NBN: variants seen among roughly 807,000 people sequenced by gnomAD.
The protein encoded by NBN is nibrin, also known as Nijmegen breakage syndrome 1 (nibrin).
NBN carries 88 observed loss-of-function variants against 90.8 expected under a neutral mutation model. That is an observed-to-expected ratio of 0.97 (90% CI 0.82 to 1.16). The LOEUF (loss-of-function observed/expected upper bound fraction) is 1.16. NBN is among the 50% of genes most tolerant of loss of function. The pLI is 0.00. For missense variants in NBN, 894 were observed against 869.6 expected, an observed-to-expected ratio of 1.03 and a Z score of -0.35; for synonymous variants, 328 against 295.1, an observed-to-expected ratio of 1.11 and a Z score of -1.14.
At chr8:89,940,625 G>GA (rs34788524) in intron 14 of NBN, among the ~76,000 whole-genome samples, 45,227 of 135,622 alleles carry the variant, frequency 0.33, 7,146 homozygotes, top group East Asian at 0.47. Flanking sequence ...TCTACTAGAG[G>GA]AAAAAAAAAA....
Position 89,947,893 on chromosome 8 carries a change from C to T in NBN, c.1846-1G>A, listed in dbSNP as rs61753717. The T allele has an allele frequency of 6.5e-7, 1 of 1,536,956 alleles. No homozygotes were observed. The highest frequency in any genetic ancestry group is 8.9e-7 in the Non-Finnish European group (1 of 1,119,896). On this transcript the variant is annotated splice_acceptor_variant, in intron 11 of 15. Transcript: ENST00000265433. LOFTEE classifies it high-confidence loss of function. ...GTTTCTTCCCAATTTCATTTTCTTGCTAAAGAAATAAAATAAAAAATACTG... is the reference window on the plus strand; with the variant it reads ...GTTTCTTCCCAATTTCATTTTCTTGTTAAAGAAATAAAATAAAAAATACTG...
At chr8:89,955,887 T>C (rs1810691563) in intron 9 of NBN, among the ~76,000 whole-genome samples, 1 of 152,038 alleles carries the variant, frequency 6.6e-6, no homozygotes, top group Non-Finnish European at 1.5e-5. Context: ...CTGTTTTGTT[T>C]AAAAATTTTA....
intron 5 of NBN, among the ~76,000 whole-genome samples, chr8:89,972,090 G>C (rs1248934437): frequency 6.6e-6 from 1 of 152,022 alleles, no homozygotes; most frequent in African/African-American, 2.4e-5. Flanking sequence ...TTCACAACCT[G>C]GACAATCAGT....
rs889414118 is a variant in NBN, at chr8:89,948,387, G to C, written c.1846-495C>G. On this transcript the variant is annotated intron_variant, in intron 11 of 15. Transcript: ENST00000265433. ...AAAGAAACATTTTAAAAGAATTCAA[G>C]TTTACAATAGTATCTTAAATCATAC... 3.9e-5 allele frequency among the ~76,000 whole-genome samples: 6 copies of C among 152,276 alleles called. No homozygotes were observed. In the South Asian group the frequency reaches 8.3e-4, roughly 21 times the overall value.
intron 11 of NBN, among the ~76,000 whole-genome samples, chr8:89,952,673 T>G (rs1300280829): frequency 6.6e-6 from 1 of 152,182 alleles, no homozygotes; most frequent in African/African-American, 2.4e-5. Context: ...GATCAGAATA[T>G]TAAAGTTTTA....
At chr8:89,948,850 CA>C (rs1810317169) in intron 11 of NBN, among the ~76,000 whole-genome samples, 1 of 152,134 alleles carries the variant, frequency 6.6e-6, no homozygotes, top group South Asian at 2.1e-4. Context: ...AATCAGAATA[CA>C]AACTCCTTTT....
At chr8:89,971,835 CTTTAA>C (rs1289083968) in intron 5 of NBN, among the ~76,000 whole-genome samples, 1 of 152,076 alleles carries the variant, frequency 6.6e-6, no homozygotes, top group Non-Finnish European at 1.5e-5. Flanking sequence ...TGTTTTAGCT[CTTTAA>C]TTTAATGCTA....
chr8:89,978,790 T>G (rs1025997332), intron 4 of NBN, among the ~76,000 whole-genome samples: 4 of 152,164 alleles, frequency 2.6e-5, no homozygotes, highest in African/African-American at 9.7e-5. Flanking sequence ...CAATAAAGCC[T>G]TTTTGAGAAA....
intron 9 of NBN, among the ~76,000 whole-genome samples, chr8:89,958,393 G>A (rs973349699): frequency 6.6e-6 from 1 of 152,196 alleles, no homozygotes; most frequent in Non-Finnish European, 1.5e-5. Flanking sequence ...ATTGTGTAAG[G>A]AAGCATTTCT....
intron 12 of NBN, 104 bp from the exon 13 acceptor site, chr8:89,946,399 A>G: frequency 1.0e-6 from 1 of 978,076 alleles, no homozygotes; most frequent in South Asian, 1.4e-5. Flanking sequence ...ACCTGAAAAA[A>G]TAGTAAAAAT....
intron 3 of NBN, among the ~76,000 whole-genome samples, chr8:89,981,145 A>G (rs2129912528): frequency 6.6e-6 from 1 of 152,322 alleles, no homozygotes; most frequent in Admixed American, 6.5e-5. Context: ...ACCTTCACCA[A>G]TGAGGAATCG....
At chr8:89,954,256 A>C (rs1400762610) in intron 10 of NBN, among the ~76,000 whole-genome samples, 1 of 152,206 alleles carries the variant, frequency 6.6e-6, no homozygotes, top group Non-Finnish European at 1.5e-5. Context: ...AAGCCCATAG[A>C]GGACACAAAG....
At chr8:89,942,771 A>G (rs1438412552) in intron 14 of NBN, among the ~76,000 whole-genome samples, 2 of 152,204 alleles carry the variant, frequency 1.3e-5, no homozygotes, top group African/African-American at 4.8e-5. Flanking sequence ...GACAAATGGA[A>G]AAGAAAATTT....
Position 89,943,320 on chromosome 8 carries a change from G to C in NBN, c.2117C>G (p.Ser706Ter), listed in dbSNP as rs730881857. ...TCGAGCATGATGAGCTATTAGATCT[G>C]ATCCTCCAATGATGTGTGGAAGTTT... ...AGKLPHIIGG[S>*]DLIAHHARKN... Residue 706 changes from serine (S) to a stop codon, truncating the protein, a stop_gained, in exon 14 of 16, where the codon TCA (serine) becomes TGA (stop). Coordinates refer to ENST00000265433, the MANE Select transcript of NBN (RefSeq NM_002485.5). LOFTEE classifies it high-confidence loss of function. 4 of 1,611,854 alleles carry C rather than the reference G, an allele frequency of 2.5e-6. No individual in the cohort carries two copies. Among genetic ancestry groups the C allele is most frequent in the Non-Finnish European group, 3.4e-6 (4 of 1,178,208 alleles).
At chr8:89,983,390 CCACTGCA>C (rs1200862594) in intron 1 of NBN, among the ~76,000 whole-genome samples, 3 of 151,668 alleles carry the variant, frequency 2.0e-5, no homozygotes, top group Non-Finnish European at 4.4e-5. Flanking sequence ...CGACACAGTG[CCACTGCA>C]CTCCAGCCTC....
chr8:89,947,607 C>G (rs1810253428), intron 12 of NBN, among the ~76,000 whole-genome samples: 1 of 151,928 alleles, frequency 6.6e-6, no homozygotes, highest in Non-Finnish European at 1.5e-5. Context: ...CCAGCCTGGG[C>G]AACAAGAGCG....
Position 89,953,302 on chromosome 8 carries a change from T to A in NBN, c.1787A>T (p.Asp596Val), listed in dbSNP as rs1005715125. Residue 596 changes from aspartate (D) to valine (V), a missense_variant, in exon 11 of 16, where the codon GAT (aspartate) becomes GTT (valine). Transcript: ENST00000265433. ...ACTGAAAGTGTCATTTGTTTCTATATCCATCCTTGGCCTTTTTCTAACATT... is the reference window on the plus strand; with the variant it reads ...ACTGAAAGTGTCATTTGTTTCTATAACCATCCTTGGCCTTTTTCTAACATT... ...DVNVRKRPRM[D>V]IETNDTFSDE... 1 of 1,613,364 alleles carries A rather than the reference T, an allele frequency of 6.2e-7. No individual in the cohort carries two copies. Among genetic ancestry groups the A allele is most frequent in the Non-Finnish European group, 8.5e-7 (1 of 1,179,772 alleles).
intron 8 of NBN, among the ~76,000 whole-genome samples, chr8:89,961,817 G>A (rs999067534): frequency 2.6e-5 from 4 of 152,154 alleles, no homozygotes; most frequent in African/African-American, 9.7e-5. Flanking sequence ...TAGTGGCATA[G>A]TGAAATATTA....
In NBN at chr8:89,937,049, C is replaced by A. The variant is rs753596803; in HGVS notation, c.2211G>T (p.Glu737Asp). 5 of 1,612,226 alleles carry A rather than the reference C, an allele frequency of 3.1e-6. No individual in the cohort carries two copies. In the East Asian group the frequency reaches 8.9e-5, roughly 29 times the overall value. ...ACCTAAAAAGATCATCAGCAAGAGA[C>A]TCTTCTTTTGCATGTTGATTTTGTA... Reference protein sequence around the residue: ...MEVQNQHAKEESLADDLFRYN... With the variant: ...MEVQNQHAKEDSLADDLFRYN... Residue 737 changes from glutamate to aspartate, a missense_variant, in exon 15 of 16, where the codon GAG becomes GAT. Glu to Asp is a conservative substitution (Grantham distance 45). Coordinates refer to ENST00000265433, the MANE Select transcript of NBN (RefSeq NM_002485.5).
Sources: gnomAD v4.1 joint callset for allele counts (sites outside exome capture counted in the v4.1 genomes callset) on GRCh38, gnomAD v4.1.1 for gene constraint, MANE v1.5 for transcripts, NCBI Gene and HGNC (gene_info 2026-07-23, HGNC 2026-07-21) for gene names.